The following GRID2 variants were observed in gnomAD, a reference collection of about 807,000 sequenced individuals.
The protein encoded by GRID2 is glutamate receptor ionotropic, delta-2.
In GRID2, 33 loss-of-function variants were observed where a neutral mutation model predicts 114.8. The ratio of observed to expected loss-of-function variants is 0.29; its 90% CI spans 0.22 to 0.38. The LOEUF is 0.38. Among genes scored for constraint, GRID2 ranks in the 10% least tolerant of loss-of-function variants. The probability of loss-of-function intolerance (pLI) is 1.00; values close to 1 mark genes in which losing one functional copy is unlikely to be tolerated. For synonymous variants in GRID2, 505 were observed against 449.9 expected (o/e 1.12, Z -1.55); for missense variants, 1,184 against 1,257.7 (o/e 0.94, Z 0.89).
At chr4:92,709,875 C>G (rs1013522521) in intron 2 of GRID2, among the ~76,000 whole-genome samples, 2 of 151,756 alleles carry the variant, frequency 1.3e-5, no homozygotes, top group Non-Finnish European at 2.9e-5. Context: ...GATGCCTATT[C>G]TCAAACATCT....
intron 1 of GRID2, among the ~76,000 whole-genome samples, chr4:92,507,138 C>A (rs1724016833): frequency 6.6e-6 from 1 of 151,744 alleles, no homozygotes; most frequent in Admixed American, 6.6e-5. Flanking sequence ...TCCTTCTATC[C>A]CCAGCATTTT....
At chr4:93,325,816 T>C (rs1757772621) in intron 8 of GRID2, among the ~76,000 whole-genome samples, 1 of 152,156 alleles carries the variant, frequency 6.6e-6, no homozygotes, top group African/African-American at 2.4e-5. Flanking sequence ...CTTTTGTTTT[T>C]TTGCTGGCTA....
At chr4:93,480,413 T>G (rs141375332) in intron 11 of GRID2, among the ~76,000 whole-genome samples, 1 of 152,180 alleles carries the variant, frequency 6.6e-6, no homozygotes, top group African/African-American at 2.4e-5. Flanking sequence ...GATTTCTGCC[T>G]TCAGATGTGG....
intron 1 of GRID2, among the ~76,000 whole-genome samples, chr4:92,588,087 G>T (rs1022200603): frequency 5.9e-5 from 9 of 152,012 alleles, no homozygotes; most frequent in African/African-American, 2.2e-4. Context: ...AAAGAAATTT[G>T]TATATCTAAA....
chr4:93,337,580 CTGTTCTT>C (rs889247637), intron 8 of GRID2, among the ~76,000 whole-genome samples: 2 of 152,146 alleles, frequency 1.3e-5, no homozygotes, highest in Non-Finnish European at 2.9e-5. Context: ...GCAAGCAAAC[CTGTTCTT>C]TGCTTTGAAG....
chr4:93,258,519 G>A (rs1302849437), intron 8 of GRID2, among the ~76,000 whole-genome samples: 1 of 151,344 alleles, frequency 6.6e-6, no homozygotes, highest in Non-Finnish European at 1.5e-5. Flanking sequence ...AAAAATGGAG[G>A]TGTTTTATAT....
At chr4:93,331,379 T>C (rs1758427651) in intron 8 of GRID2, among the ~76,000 whole-genome samples, 1 of 151,944 alleles carries the variant, frequency 6.6e-6, no homozygotes, top group Non-Finnish European at 1.5e-5. Flanking sequence ...ATTATTACAT[T>C]CTTGGTAACG....
chr4:92,939,990 C>A (rs189407197), intron 2 of GRID2, among the ~76,000 whole-genome samples: 1 of 147,286 alleles, frequency 6.8e-6, no homozygotes, highest in African/African-American at 2.4e-5. Context: ...AGTTTGAAGT[C>A]AGGTAGCGTG....
At chr4:93,002,652 G>T (rs1478194023) in intron 2 of GRID2, among the ~76,000 whole-genome samples, 2 of 151,698 alleles carry the variant, frequency 1.3e-5, no homozygotes, top group African/African-American at 4.8e-5. Flanking sequence ...GTACTTGAAA[G>T]TAGTCAAATA....
chr4:93,312,329 T>G (rs542592491), intron 8 of GRID2, among the ~76,000 whole-genome samples: 35 of 152,314 alleles, frequency 2.3e-4, no homozygotes, highest in African/African-American at 7.7e-4. Context: ...AGAGTTACGC[T>G]GCCTTCTAAT....
chr4:93,103,906 A>T (rs534002687), intron 3 of GRID2, among the ~76,000 whole-genome samples: 1 of 151,364 alleles, frequency 6.6e-6, no homozygotes, highest in South Asian at 2.1e-4. Flanking sequence ...TTGAGCAAAA[A>T]TCTTCATTTT....
intron 13 of GRID2, among the ~76,000 whole-genome samples, chr4:93,625,204 C>T (rs1031631218): frequency 7.9e-5 from 12 of 152,214 alleles, no homozygotes; most frequent in Non-Finnish European, 1.5e-4. Context: ...GGCTTAGAAG[C>T]CTAGTAACCC....
intron 2 of GRID2, among the ~76,000 whole-genome samples, chr4:92,704,864 A>G (rs1241158466): frequency 6.6e-6 from 1 of 151,468 alleles, no homozygotes; most frequent in East Asian, 1.9e-4. Flanking sequence ...TAACGTGATA[A>G]GAGCAGAAAT....
chr4:92,950,676 A>G (rs184094958), intron 2 of GRID2, among the ~76,000 whole-genome samples: 70 of 152,294 alleles, frequency 4.6e-4, no homozygotes, highest in Non-Finnish European at 9.1e-4. Context: ...TTGTCCTCCA[A>G]ATCATCAGCC....
chr4:93,431,223 G>A (rs1396549427), intron 10 of GRID2, among the ~76,000 whole-genome samples: 4 of 152,006 alleles, frequency 2.6e-5, no homozygotes, highest in Admixed American at 2.6e-4. Flanking sequence ...AGGGTGAGTT[G>A]GATATGTAGC....
chr4:93,216,957 G>A, intron 6 of GRID2, 46 bp downstream of exon 6: 1 of 1,329,556 alleles, frequency 7.5e-7, no homozygotes, highest in Non-Finnish European at 1.1e-6. Flanking sequence ...GCTTTGTTGG[G>A]CAATTGCAAG....
At chr4:92,668,498 A>G (rs188153376) in intron 2 of GRID2, among the ~76,000 whole-genome samples, 6 of 151,920 alleles carry the variant, frequency 3.9e-5, no homozygotes, top group Admixed American at 2.6e-4. Context: ...GCATCTATTA[A>G]TGCTTCATTT....
chr4:93,281,449 G>A lies in GRID2; in HGVS notation c.1245+42959G>A, dbSNP rs535053181. Among the ~76,000 whole-genome samples, 16 of 152,008 alleles carry A rather than the reference G, an allele frequency of 1.1e-4. No homozygotes were observed. In the East Asian group the frequency reaches 1.2e-3, roughly 11 times the overall value. On this transcript the variant is annotated intron_variant, in intron 8 of 15. Transcript: ENST00000282020. The stretch of plus-strand genomic sequence containing the variant: ...GAATGATGGGCCATTTTAAAATGTC[G>A]ACTTTAAGCGACATGTTGAGGCATT...
intron 14 of GRID2, among the ~76,000 whole-genome samples, chr4:93,677,646 C>G (rs1725037187): frequency 6.6e-6 from 1 of 152,170 alleles, no homozygotes; most frequent in Admixed American, 6.5e-5. Context: ...TCTGCAGACA[C>G]CGCTGCTGAT....
Sources: allele counts gnomAD v4.1 joint callset (sites outside exome capture counted in the v4.1 genomes callset), GRCh38; gene constraint gnomAD v4.1.1; transcripts MANE v1.5; gene names NCBI Gene and HGNC (gene_info 2026-07-23, HGNC 2026-07-21).